The following TRIM67 variants were observed in gnomAD, a reference collection of about 807,000 sequenced individuals.
The protein encoded by TRIM67 is tripartite motif containing 67.
TRIM67 carries 39 observed loss-of-function variants against 71.0 expected under a neutral mutation model. That is an observed-to-expected ratio of 0.55 (90% CI 0.43 to 0.72). The LOEUF is 0.72. TRIM67 is among the 30% of genes least tolerant of loss of function. TRIM67 has a pLI of 0.00. For missense variants in TRIM67, 973 were observed against 1,079.2 expected (o/e 0.90, Z 1.38); for synonymous variants, 481 against 473.9 (o/e 1.01, Z -0.19).
intron 5 of TRIM67, among the ~76,000 whole-genome samples, chr1:231,202,315 G>A (rs1683577365): frequency 2.0e-5 from 2 of 100,598 alleles, no homozygotes; most frequent in South Asian, 6.9e-4. Flanking sequence ...TGGTGCAGGA[G>A]GAGGAGGAAG....
intron 1 of TRIM67, among the ~76,000 whole-genome samples, chr1:231,192,560 T>C (rs1327739920): frequency 3.3e-5 from 5 of 152,236 alleles, no homozygotes; most frequent in African/African-American, 1.2e-4. Flanking sequence ...TCAGGTCTGA[T>C]TTCCACAATG....
chr1:231,194,898 G>A (rs1253894283), intron 1 of TRIM67, among the ~76,000 whole-genome samples: 3 of 152,032 alleles, frequency 2.0e-5, no homozygotes, highest in Non-Finnish European at 2.9e-5. Context: ...GGAGGAAAGC[G>A]GGGCCGGGGA....
chr1:231,183,131 C>T (rs1249236328), intron 1 of TRIM67, among the ~76,000 whole-genome samples: 1 of 152,106 alleles, frequency 6.6e-6, no homozygotes, highest in African/African-American at 2.4e-5. Flanking sequence ...AAAGAAGAGA[C>T]CTCTCATCAT....
In TRIM67 at chr1:231,217,887, G is replaced by A. The variant is rs1337745608; in HGVS notation, c.*2447G>A. 1.6e-5 allele frequency: 20 copies of A among 1,289,188 alleles called. No homozygotes were observed. The highest frequency in any genetic ancestry group is 1.1e-4 in the East Asian group (2 of 18,026). The allele number at this position is 1,289,188 out of a possible 1,614,324, so 79.9% of individuals were successfully genotyped here. On this transcript the variant is annotated 3_prime_UTR_variant, in exon 10 of 10. Coordinates refer to ENST00000366653, the MANE Select transcript of TRIM67 (RefSeq NM_001004342.5). The stretch of plus-strand genomic sequence containing the variant: ...ATCCGGTGGCCTCTTTCAGAAAAAA[G>A]TTCCCTGAAGTCCAGAGAGGTGCAG...
chr1:231,188,481 G>A (rs1291538927), intron 1 of TRIM67, among the ~76,000 whole-genome samples: 2 of 152,164 alleles, frequency 1.3e-5, no homozygotes, highest in Non-Finnish European at 2.9e-5. Flanking sequence ...GGAAGATGGT[G>A]GGTGGTCTCA....
At chr1:231,194,583 G>C (rs1382322518) in intron 1 of TRIM67, among the ~76,000 whole-genome samples, 1 of 152,144 alleles carries the variant, frequency 6.6e-6, no homozygotes, top group East Asian at 1.9e-4. Context: ...TCCATTGATG[G>C]CTACAGCACA....
chr1:231,199,036 A>G lies in TRIM67; in HGVS notation c.1141-11A>G, dbSNP rs886283394. 6 of 1,613,606 alleles carry G rather than the reference A, an allele frequency of 3.7e-6. No individual in the cohort carries two copies. Among genetic ancestry groups the G allele is most frequent in the Non-Finnish European group, 5.1e-6 (6 of 1,179,766 alleles). On this transcript the variant is annotated splice_polypyrimidine_tract_variant and intron_variant, in intron 2 of 9. Coordinates refer to ENST00000366653, the MANE Select transcript of TRIM67 (RefSeq NM_001004342.5). ...TTTGCTTCTTCCCAACCAACCCCCA[A>G]CCTCTGCCAGGAAAACGGACTGGAC...
At chr1:231,175,102 G>C (rs559082561) in intron 1 of TRIM67, among the ~76,000 whole-genome samples, 1 of 152,338 alleles carries the variant, frequency 6.6e-6, no homozygotes, top group South Asian at 2.1e-4. Flanking sequence ...TGCAGACAGT[G>C]CAGCCATTCA....
chr1:231,174,106 C>T (rs763205253), intron 1 of TRIM67, among the ~76,000 whole-genome samples: 5 of 151,572 alleles, frequency 3.3e-5, no homozygotes, highest in African/African-American at 4.8e-5. Context: ...TTGCTATTGT[C>T]ACACAGTTCT....
intron 2 of TRIM67, among the ~76,000 whole-genome samples, chr1:231,197,843 G>C (rs1213095560): frequency 6.6e-6 from 1 of 151,028 alleles, no homozygotes; most frequent in African/African-American, 2.4e-5. Context: ...AGAAGAAGAA[G>C]AAGAAGAAGG....
intron 3 of TRIM67, 93 bp from the exon 4 acceptor site, chr1:231,200,055 A>G: frequency 1.1e-6 from 1 of 940,240 alleles, no homozygotes; most frequent in Non-Finnish European, 1.7e-6. Flanking sequence ...CGCCTCTTCC[A>G]GGCTGTATTG....
In TRIM67 at chr1:231,203,967, C is replaced by T. The variant is rs11806609; in HGVS notation, c.1635C>T (p.Asp545=). 81,013 of 1,613,866 alleles carry T rather than the reference C, an allele frequency of 0.05. 3,757 individuals carry two copies. The highest frequency in any genetic ancestry group is 0.2 in the East Asian group (9,167 of 44,868). ...RMPPFTHSPV[D]GYILELDDGA... is the part of the protein sequence containing the mutation. ...CACCCTTCACCCACAGCCCCGTGGA[C>T]GGCTACATCCTGGAGCTGGACGACG... The change falls in exon 6 of 10, where the codon GAC becomes GAT. Residue 545 remains aspartate (D), a synonymous_variant. Coordinates refer to ENST00000366653, the MANE Select transcript of TRIM67 (RefSeq NM_001004342.5).
chr1:231,189,056 C>G (rs1298498257), intron 1 of TRIM67, among the ~76,000 whole-genome samples: 1 of 152,158 alleles, frequency 6.6e-6, no homozygotes, highest in African/African-American at 2.4e-5. Context: ...AGCTGACGAT[C>G]CAGGTAGAAA....
chr1:231,207,090 C>T (rs749260715), intron 7 of TRIM67, among the ~76,000 whole-genome samples: 4 of 152,180 alleles, frequency 2.6e-5, no homozygotes, highest in African/African-American at 7.2e-5. Context: ...TACGCCTCAC[C>T]CTGCTCTGCA....
intron 5 of TRIM67, among the ~76,000 whole-genome samples, chr1:231,203,303 A>G (rs1683601400): frequency 6.6e-6 from 1 of 152,220 alleles, no homozygotes; most frequent in Admixed American, 6.5e-5. Context: ...TGACTGTCCA[A>G]TACTCGAGAC....
intron 1 of TRIM67, among the ~76,000 whole-genome samples, chr1:231,191,751 A>G (rs542528232): frequency 2.2e-4 from 34 of 152,306 alleles, no homozygotes; most frequent in Non-Finnish European, 5.9e-5. Context: ...CCCTAGAAAC[A>G]GTAGGTTTGG....
rs552541178 is a variant in TRIM67 at position 231,206,908 on chromosome 1, C to T, written c.1819+118C>T. The T allele has an allele frequency of 4.1e-4, 473 of 1,149,862 alleles. 6 individuals are homozygous for T. The South Asian group carries it at 7.6e-3, about 19-fold the overall frequency. 71.2% of individuals were successfully genotyped at this position (1,149,862 alleles called of 1,614,324 possible). On this transcript the variant is annotated intron_variant, in intron 7 of 9. Transcript: ENST00000366653. ...TAGGGGTGGGGGGTGGTGCTGGGCACGGCTGGGTTCTCCAAGGGCGTGCCC... is the reference window on the plus strand; with the variant it reads ...TAGGGGTGGGGGGTGGTGCTGGGCATGGCTGGGTTCTCCAAGGGCGTGCCC...
intron 1 of TRIM67, among the ~76,000 whole-genome samples, chr1:231,174,924 G>A (rs1313263546): frequency 6.6e-6 from 1 of 152,170 alleles, no homozygotes; most frequent in African/African-American, 2.4e-5. Context: ...GGATCTTCTG[G>A]AAAGTCTCAT....
In TRIM67 at chr1:231,215,610, G is replaced by C; in HGVS notation, c.*170G>C. On this transcript the variant is annotated 3_prime_UTR_variant, in exon 10 of 10. Transcript: ENST00000366653. ...ATTTTCTTGGGGACGCAGGGAATGG[G>C]TCCACGGGCCATGCTCACAGCTGCC... 7.2e-7 allele frequency: 1 copy of C among 1,388,832 alleles called. No homozygotes were observed. The highest frequency in any genetic ancestry group is 9.4e-7 in the Non-Finnish European group (1 of 1,068,566). The allele number at this position is 1,388,832 out of a possible 1,614,324, so 86.0% of individuals were successfully genotyped here. A position where few individuals can be genotyped will look rare whatever the true frequency, so the allele number is the denominator to read the frequency against.
Sources: gnomAD v4.1 joint callset for allele counts (sites outside exome capture counted in the v4.1 genomes callset) on GRCh38, gnomAD v4.1.1 for gene constraint, MANE v1.5 for transcripts, NCBI Gene and HGNC (gene_info 2026-07-23, HGNC 2026-07-21) for gene names.